The following BCKDHB variants were observed in gnomAD, a reference collection of about 807,000 sequenced individuals.
BCKDHB encodes the protein 2-oxoisovalerate dehydrogenase subunit beta, mitochondrial.
Under a neutral mutation model 48.5 loss-of-function variants are expected in BCKDHB, and 41 were observed. The ratio of observed to expected loss-of-function variants is 0.85; its 90% CI spans 0.66 to 1.10. The LOEUF (loss-of-function observed/expected upper bound fraction) is 1.10, where lower values mean the gene tolerates loss of function less well. Among genes scored for constraint, BCKDHB ranks in the 50% least tolerant of loss-of-function variants. The probability of loss-of-function intolerance (pLI) is 0.00; values close to 1 mark genes in which losing one functional copy is unlikely to be tolerated. For missense variants in BCKDHB, 496 were observed against 494.2 expected (o/e 1.00, Z -0.03); for synonymous variants, 201 against 174.8 (o/e 1.15, Z -1.18).
chr6:80,190,491 T>G (rs1773844552), intron 6 of BCKDHB, among the ~76,000 whole-genome samples: 1 of 152,160 alleles, frequency 6.6e-6, no homozygotes, highest in Admixed American at 6.5e-5. Context: ...TTAATATGTC[T>G]TTGCCTGTTT....
chr6:80,374,539 G>T, the BCKDHB span: 2 of 713,742 alleles, frequency 2.8e-6, no homozygotes, highest in African/African-American at 1.7e-5. Context: ...GATTTTGTGG[G>T]GTTCTCCCGG....
At chr6:80,309,551 G>C (rs1176658024) in intron 9 of BCKDHB, among the ~76,000 whole-genome samples, 1 of 152,032 alleles carries the variant, frequency 6.6e-6, no homozygotes, top group African/African-American at 2.4e-5. Context: ...TAACAAAAGA[G>C]TAAGTATTCA....
At chr6:80,221,928 T>C (rs770241080) in intron 8 of BCKDHB, among the ~76,000 whole-genome samples, 1 of 152,228 alleles carries the variant, frequency 6.6e-6, no homozygotes, top group Non-Finnish European at 1.5e-5. Flanking sequence ...ATCCTTCCAA[T>C]GGCGTTTCCT....
At chr6:80,380,237 T>G in the BCKDHB span, among the ~76,000 whole-genome samples, 1 of 151,842 alleles carries the variant, frequency 6.6e-6, no homozygotes, top group Non-Finnish European at 1.5e-5. Context: ...ACAAAAATGG[T>G]ACATGGATCA....
Position 80,167,667 on chromosome 6 carries a change from T to C in BCKDHB, c.344-11T>C. On this transcript the variant is annotated splice_polypyrimidine_tract_variant and intron_variant, in intron 3 of 9. Transcript: ENST00000320393. Reference sequence around the variant, plus strand: ...TTGCCACATTAACCTTTTTTTCTTTTCTATTTTAAGGAAAAGATAGAGTTT... The same window carrying C: ...TTGCCACATTAACCTTTTTTTCTTTCCTATTTTAAGGAAAAGATAGAGTTT... The C allele has an allele frequency of 6.2e-7, 1 of 1,601,808 alleles. No homozygotes were observed. The highest frequency in any genetic ancestry group is 1.1e-5 in the South Asian group (1 of 90,748).
chr6:80,247,946 A>T (rs1353895258), intron 8 of BCKDHB, among the ~76,000 whole-genome samples: 2 of 152,228 alleles, frequency 1.3e-5, no homozygotes, highest in African/African-American at 4.8e-5. Context: ...GTGTTTTGCC[A>T]GTGGGAATTC....
the BCKDHB span, among the ~76,000 whole-genome samples, chr6:80,428,970 G>A: frequency 6.6e-6 from 1 of 152,134 alleles, no homozygotes; most frequent in Non-Finnish European, 1.5e-5. Flanking sequence ...GAATGGTATT[G>A]CCTAGGTTTT....
At chr6:80,111,856 A>C (rs1233856477) in intron 1 of BCKDHB, among the ~76,000 whole-genome samples, 4 of 152,294 alleles carry the variant, frequency 2.6e-5, no homozygotes, top group East Asian at 3.9e-4. Context: ...TACTTAGTCT[A>C]CCCGGGGGGC....
chr6:80,407,957 T>C, the BCKDHB span, among the ~76,000 whole-genome samples: 27 of 152,290 alleles, frequency 1.8e-4, no homozygotes, highest in Admixed American at 6.5e-4. Context: ...ATGCTTCCAG[T>C]TTTTCCCATT....
intron 9 of BCKDHB, among the ~76,000 whole-genome samples, chr6:80,333,351 T>A (rs1769417068): frequency 6.6e-6 from 1 of 152,314 alleles, no homozygotes; most frequent in Admixed American, 6.5e-5. Flanking sequence ...AAGGAGACTA[T>A]ATAAACAGCT....
intron 3 of BCKDHB, among the ~76,000 whole-genome samples, chr6:80,159,267 G>A (rs548262587): frequency 6.7e-6 from 1 of 149,646 alleles, no homozygotes; most frequent in African/African-American, 2.4e-5. Flanking sequence ...TTGTGCACAT[G>A]TACCCTAGAA....
chr6:80,401,789 T>A, the BCKDHB span, among the ~76,000 whole-genome samples: 1 of 151,906 alleles, frequency 6.6e-6, no homozygotes, highest in African/African-American at 2.4e-5. Flanking sequence ...TTCTGTGAGT[T>A]TGAATATTTT....
At chr6:80,360,379 A>G in the BCKDHB span, among the ~76,000 whole-genome samples, 1 of 152,210 alleles carries the variant, frequency 6.6e-6, no homozygotes, top group Non-Finnish European at 1.5e-5. Context: ...AGCCCCCAAC[A>G]GGAAGGAATC....
chr6:80,374,237 A>G, the BCKDHB span: 1 of 748,922 alleles, frequency 1.3e-6, no homozygotes. Context: ...CAATGGCCAG[A>G]GAGTCTACAT....
At chr6:80,230,338 A>G (rs1057174465) in intron 8 of BCKDHB, among the ~76,000 whole-genome samples, 4 of 152,008 alleles carry the variant, frequency 2.6e-5, no homozygotes, top group Non-Finnish European at 5.9e-5. Context: ...GCGCCTGGCC[A>G]GGTTTTTTTA....
chr6:80,170,130 A>G (rs573410560), intron 5 of BCKDHB, among the ~76,000 whole-genome samples: 1 of 152,156 alleles, frequency 6.6e-6, no homozygotes, highest in Non-Finnish European at 1.5e-5. Flanking sequence ...CTTAAAAAGT[A>G]GGAACATAAG....
intron 3 of BCKDHB, among the ~76,000 whole-genome samples, chr6:80,138,210 C>G (rs922952793): frequency 6.6e-6 from 1 of 152,028 alleles, no homozygotes. Flanking sequence ...AAACCCAGTT[C>G]TAGGATTTTT....
chr6:80,178,457 A>C (rs1773267021), intron 6 of BCKDHB, among the ~76,000 whole-genome samples: 1 of 152,232 alleles, frequency 6.6e-6, no homozygotes, highest in Admixed American at 6.5e-5. Context: ...GTCATGATTT[A>C]ACACAGATAC....
At chr6:80,400,683 A>G in the BCKDHB span, among the ~76,000 whole-genome samples, 1 of 151,806 alleles carries the variant, frequency 6.6e-6, no homozygotes, top group Non-Finnish European at 1.5e-5. Flanking sequence ...AGCTAAAAAC[A>G]GTACTTCAAC....
Sources: allele counts gnomAD v4.1 joint callset (sites outside exome capture counted in the v4.1 genomes callset), GRCh38; gene constraint gnomAD v4.1.1; transcripts MANE v1.5; gene names NCBI Gene and HGNC (gene_info 2026-07-23, HGNC 2026-07-21).